The following WDR49 variants were observed in gnomAD, a reference collection of about 807,000 sequenced individuals.
WDR49 encodes the protein cilia- and flagella-associated protein 337.
A neutral mutation model predicts 119.5 loss-of-function variants in WDR49; 107 were observed. That is an observed-to-expected ratio of 0.90 (90% confidence interval 0.77 to 1.05). WDR49 has a LOEUF of 1.05. Among genes scored for constraint, WDR49 ranks in the 50% least tolerant of loss-of-function variants. The pLI is 0.00. For missense variants in WDR49, 1,240 were observed against 1,220.5 expected (o/e 1.02, Z -0.24); for synonymous variants, 425 against 418.8 (o/e 1.01, Z -0.18).
At chr3:167,655,528 T>C (rs1057050826), upstream of WDR49, among the ~76,000 whole-genome samples, 2 of 152,144 alleles carry the variant, frequency 1.3e-5, no homozygotes, top group African/African-American at 4.8e-5. Flanking sequence ...GTACCCATTA[T>C]AGAAAAAAAT....
At chr3:167,555,879 C>G (rs1215852430) in intron 9 of WDR49, among the ~76,000 whole-genome samples, 1 of 152,050 alleles carries the variant, frequency 6.6e-6, no homozygotes, top group African/African-American at 2.4e-5. Flanking sequence ...TTATACAAAC[C>G]TAAATGATAC....
intron 6 of WDR49, 47 bp from the exon 7 acceptor site, chr3:167,602,322 G>A (rs894132286): frequency 2.1e-6 from 3 of 1,459,062 alleles, no homozygotes; most frequent in Non-Finnish European, 2.8e-6. Context: ...AGCATGAATA[G>A]CCCACAGCAT....
At chr3:167,546,715 T>C (rs761251523) in intron 10 of WDR49, among the ~76,000 whole-genome samples, 8 of 150,658 alleles carry the variant, frequency 5.3e-5, no homozygotes, top group Admixed American at 4.0e-4. Context: ...AAGAAAAATA[T>C]TTAAAACCAC....
chr3:167,545,337 A>T (rs1463304856), intron 10 of WDR49, among the ~76,000 whole-genome samples: 1 of 151,618 alleles, frequency 6.6e-6, no homozygotes, highest in Non-Finnish European at 1.5e-5. Context: ...CAGCAATCCC[A>T]CTATGGGGTA....
At chr3:167,483,336 C>T (rs1003278596) in intron 18 of WDR49, among the ~76,000 whole-genome samples, 7 of 152,104 alleles carry the variant, frequency 4.6e-5, no homozygotes, top group African/African-American at 1.4e-4. Flanking sequence ...ATGTTACTTC[C>T]GAAATTCTGT....
At position 167,651,210 on chromosome 3, in the gene WDR49, C is replaced by T. The variant is rs1240222772; in HGVS notation, c.165+2051G>A. On this transcript the variant is annotated intron_variant, in intron 2 of 18. Coordinates refer to ENST00000682715, the MANE Select transcript of WDR49 (RefSeq NM_001366157.1). ...GGACTTCACCTAATATCTGACAACT[C>T]TTCAGCCCCAAACAAGCAATCTGTG... 3.9e-5 allele frequency among the ~76,000 whole-genome samples: 6 copies of T among 152,222 alleles called. No individual in the cohort carries two copies. In the East Asian group the frequency reaches 7.7e-4, roughly 20 times the overall value.
intron 7 of WDR49, among the ~76,000 whole-genome samples, chr3:167,595,163 G>A (rs1348998297): frequency 6.6e-6 from 1 of 152,130 alleles, no homozygotes; most frequent in Non-Finnish European, 1.5e-5. Flanking sequence ...ACTTACAAGG[G>A]ATGTGAAGGA....
At chr3:167,595,402 C>T (rs2108299525) in intron 7 of WDR49, among the ~76,000 whole-genome samples, 1 of 152,286 alleles carries the variant, frequency 6.6e-6, no homozygotes, top group Middle Eastern at 3.4e-3. Flanking sequence ...AAAGAGCCCG[C>T]ATTGCCAAGT....
At position 167,522,336 on chromosome 3, in the gene WDR49, T is replaced by C. The variant is rs1752480664; in HGVS notation, c.2753A>G (p.Asn918Ser). ...PTEHSLLNKK[N>S]KDDSTYNVRP... ...TTACTTGTATGTTGAGTCATCTTTG[T>C]TTTTCTTATTAAGTAGAGAATGTTC... The change falls in exon 16 of 19, where the codon AAC becomes AGC. Residue 918 changes from asparagine (N) to serine (S), a missense_variant. Asn to Ser is a conservative substitution (Grantham distance 46, BLOSUM62 1). Transcript: ENST00000682715. 4 of 1,586,880 alleles carry C rather than the reference T, an allele frequency of 2.5e-6. No individual in the cohort carries two copies. The highest frequency in any genetic ancestry group is 3.4e-6 in the Non-Finnish European group (4 of 1,173,706).
rs191977371 is a variant in WDR49 at position 167,584,599 on chromosome 3, A to G, written c.1276-8448T>C. 1.2e-4 allele frequency among the ~76,000 whole-genome samples: 18 copies of G among 152,300 alleles called. 1 individual carries two copies. Among genetic ancestry groups the G allele is most frequent in the Admixed American group, 1.2e-3 (18 of 15,300 alleles). On this transcript the variant is annotated intron_variant, in intron 7 of 18. Coordinates refer to ENST00000682715, the MANE Select transcript of WDR49 (RefSeq NM_001366157.1). ...AGCATAGGAAAAGACAAGTAAATTA[A>G]TGGAAAGAATAAAGCATATACAAAC...
At chr3:167,535,424 A>T (rs1021253431) in intron 11 of WDR49, among the ~76,000 whole-genome samples, 1 of 152,186 alleles carries the variant, frequency 6.6e-6, no homozygotes, top group Non-Finnish European at 1.5e-5. Context: ...TTAAAAATGG[A>T]CAAAAGACCT....
intron 2 of WDR49, among the ~76,000 whole-genome samples, chr3:167,644,673 T>A (rs1718035165): frequency 6.6e-6 from 1 of 152,164 alleles, no homozygotes; most frequent in Non-Finnish European, 1.5e-5. Context: ...AGAATGTATT[T>A]AGGGAAGCTT....
chr3:167,612,894 A>G (rs1225088446), intron 5 of WDR49, among the ~76,000 whole-genome samples: 1 of 152,344 alleles, frequency 6.6e-6, no homozygotes, highest in South Asian at 2.1e-4. Context: ...GATAGTTACC[A>G]AAGGCTGGGA....
At chr3:167,626,803 A>C in intron 3 of WDR49, 49 bp downstream of exon 3, 1 of 1,221,826 alleles carries the variant, frequency 8.2e-7, no homozygotes, top group Non-Finnish European at 1.0e-6. Flanking sequence ...CTGCCCCATA[A>C]GTTTTCCCTC....
chr3:167,533,148 T>G (rs1255529571), intron 11 of WDR49, among the ~76,000 whole-genome samples, 171 bp from the exon 12 acceptor site: 1 of 152,170 alleles, frequency 6.6e-6, no homozygotes, highest in African/African-American at 2.4e-5. Context: ...TTGTTTTAAC[T>G]CTAGAGCTTA....
chr3:167,481,600 C>T (rs1420292117), intron 18 of WDR49, among the ~76,000 whole-genome samples: 1 of 152,144 alleles, frequency 6.6e-6, no homozygotes, highest in African/African-American at 2.4e-5. Flanking sequence ...CGCTTTCACA[C>T]TGCTGATAAA....
In WDR49 at chr3:167,653,470, G is replaced by A. The variant is rs1471185740; in HGVS notation, c.-45C>T. On this transcript the variant is annotated 5_prime_UTR_variant, in exon 2 of 19. Transcript: ENST00000682715. Reference sequence around the variant, plus strand: ...AGTTGCCTTCAACTATTTCTATAAGGATGGATCTTCTTTTTCCTTCAACAG... The same window carrying A: ...AGTTGCCTTCAACTATTTCTATAAGAATGGATCTTCTTTTTCCTTCAACAG... The A allele has an allele frequency of 7.0e-7, 1 of 1,430,574 alleles. No homozygotes were observed. Among genetic ancestry groups the A allele is most frequent in the Non-Finnish European group, 9.1e-7 (1 of 1,099,034 alleles). The allele number at this position is 1,430,574 out of a possible 1,614,324, so 88.6% of individuals were successfully genotyped here. A position where few individuals can be genotyped will look rare whatever the true frequency, so the allele number is the denominator to read the frequency against.
intron 2 of WDR49, among the ~76,000 whole-genome samples, chr3:167,643,557 G>T (rs79971113): frequency 0.013 from 2,031 of 152,156 alleles, 43 homozygotes; most frequent in East Asian, 0.098. Flanking sequence ...TTACTGGGAC[G>T]AAAGGGGACA....
At chr3:167,484,874 C>T (rs902512973) in intron 18 of WDR49, among the ~76,000 whole-genome samples, 2 of 151,994 alleles carry the variant, frequency 1.3e-5, no homozygotes, top group Admixed American at 1.3e-4. Context: ...AATCATTCTA[C>T]TATAAAGACA....
Sources: gnomAD v4.1 joint callset for allele counts (sites outside exome capture counted in the v4.1 genomes callset) on GRCh38, gnomAD v4.1.1 for gene constraint, MANE v1.5 for transcripts, NCBI Gene and HGNC (gene_info 2026-07-23, HGNC 2026-07-21) for gene names.